The following SARDH variants were observed in gnomAD, a reference collection of about 807,000 sequenced individuals.
SARDH encodes the protein sarcosine dehydrogenase, mitochondrial.
A neutral mutation model predicts 109.1 loss-of-function variants in SARDH; 95 were observed. That is an observed-to-expected ratio of 0.87 (90% CI 0.74 to 1.03). The LOEUF (loss-of-function observed/expected upper bound fraction) is 1.03, where lower values mean the gene tolerates loss of function less well. Ranked by LOEUF, SARDH falls within the 50% of genes least tolerant of loss-of-function variation. The pLI is 0.00. For missense variants in SARDH, 1,267 were observed against 1,287.8 expected (o/e 0.98, Z 0.25); for synonymous variants, 572 against 534.8 (o/e 1.07, Z -0.96).
At chr9:133,737,276 G>A (rs1292585835) in intron 1 of SARDH, among the ~76,000 whole-genome samples, 1 of 152,356 alleles carries the variant, frequency 6.6e-6, no homozygotes, top group East Asian at 1.9e-4. Context: ...CATCCCAAGG[G>A]AGGGAGCAGG....
Position 133,713,069 on chromosome 9 carries a change from C to T in SARDH, c.1206G>A (p.Gly402=). Residue 402 remains glycine (G), a synonymous_variant, in exon 9 of 21, where the codon GGG becomes GGA. Coordinates refer to ENST00000439388, the MANE Select transcript of SARDH (RefSeq NM_001134707.2). ...PLMGEAPELR[G]FFLGCGFNSA... ...TGTTGAAGCCACAGCCCAGGAAGAA[C>T]CCTCGGAGCTCAGGTGCCTCCCCCA... 6.2e-7 allele frequency: 1 copy of T among 1,613,162 alleles called. No homozygotes were observed. The highest frequency in any genetic ancestry group is 1.1e-5 in the South Asian group (1 of 90,872).
At chr9:133,683,930 G>A (rs1158816286) in intron 17 of SARDH, among the ~76,000 whole-genome samples, 2 of 152,208 alleles carry the variant, frequency 1.3e-5, no homozygotes, top group African/African-American at 4.8e-5. Flanking sequence ...CCGTGTCACT[G>A]ACACATATCG....
chr9:133,660,162 C>T (rs892500561), downstream of SARDH, among the ~76,000 whole-genome samples: 5 of 151,822 alleles, frequency 3.3e-5, no homozygotes, highest in African/African-American at 1.2e-4. Flanking sequence ...GCAGTACCCG[C>T]ACCTCCTACA....
chr9:133,664,216 T>G (rs778270904), intron 20 of SARDH, among the ~76,000 whole-genome samples: 6 of 152,198 alleles, frequency 3.9e-5, no homozygotes, highest in Non-Finnish European at 8.8e-5. Context: ...GAGTTGGACA[T>G]GGGCATCTGG....
Position 133,692,216 on chromosome 9 carries a change from C to A in SARDH, c.1922-1689G>T, listed in dbSNP as rs1275391292. Among the ~76,000 whole-genome samples the A allele has an allele frequency of 6.6e-6, 1 of 152,130 alleles. No homozygotes were observed. The highest frequency in any genetic ancestry group is 1.5e-5 in the Non-Finnish European group (1 of 68,004). ...ATTCCACCAATGGGGGAAACTGAGG[C>A]TCGGGGGGGCAGGTCGCTGAGCCAG... is the stretch of plus-strand genomic sequence containing the variant. On this transcript the variant is annotated intron_variant, in intron 15 of 20. Transcript: ENST00000439388. This position sits in a 1 kb window ranked among gnomAD's most constrained non-coding sequence, Gnocchi z 5.0.
intron 6 of SARDH, 42 bp from the exon 7 acceptor site, chr9:133,719,084 G>T (rs1230287762): frequency 6.4e-7 from 1 of 1,563,880 alleles, no homozygotes; most frequent in Non-Finnish European, 8.8e-7. Context: ...TCCAGAACTG[G>T]GTGGGGACTT....
intron 3 of SARDH, among the ~76,000 whole-genome samples, chr9:133,732,000 C>A (rs1832700898): frequency 6.6e-6 from 1 of 152,174 alleles, no homozygotes; most frequent in South Asian, 2.1e-4. Context: ...CAGGCGTGGA[C>A]CACTGGGACA....
intron 16 of SARDH, among the ~76,000 whole-genome samples, chr9:133,688,437 G>C (rs766680113): frequency 6.6e-6 from 1 of 150,920 alleles, no homozygotes; most frequent in South Asian, 2.1e-4. Flanking sequence ...CCCGTGAGCC[G>C]CATGGACTCA....
chr9:133,712,859 G>A lies in SARDH; in HGVS notation c.1238-150C>T. 1.1e-6 allele frequency: 1 copy of A among 925,438 alleles called. No individual in the cohort carries two copies. The highest frequency in any genetic ancestry group is 1.7e-6 in the Non-Finnish European group (1 of 605,542). The allele number at this position is 925,438 out of a possible 1,614,324, so 57.3% of individuals were successfully genotyped here. ...CTGCACGCCTCCTGATTGGACTGCT[G>A]CTGGACTGGACCCTGGCACAGGTGC... On this transcript the variant is annotated intron_variant, in intron 9 of 20. Transcript: ENST00000439388. The surrounding 1 kb of genome is among the most constrained non-coding windows in gnomAD (Gnocchi z 4.1).
intron 19 of SARDH, 100 bp downstream of exon 19, chr9:133,670,484 T>G: frequency 7.8e-7 from 1 of 1,277,070 alleles, no homozygotes; most frequent in Non-Finnish European, 1.1e-6. Context: ...ACATGGGAAG[T>G]GTTGGTACCA....
intron 17 of SARDH, among the ~76,000 whole-genome samples, chr9:133,682,492 C>T (rs1000412574): frequency 2.0e-5 from 3 of 152,194 alleles, no homozygotes; most frequent in African/African-American, 7.2e-5. Flanking sequence ...TCTGAGATGC[C>T]GCTGACCACC....
chr9:133,718,430 T>G lies in SARDH; in HGVS notation c.1020+508A>C. On this transcript the variant is annotated intron_variant, in intron 7 of 20. Coordinates refer to ENST00000439388, the MANE Select transcript of SARDH (RefSeq NM_001134707.2). The surrounding 1 kb of genome is among the most constrained non-coding windows in gnomAD (Gnocchi z 4.2). ...ATATAGGCACCCAGAGTCAGGGACT[T>G]TTATCTTAGTTTCCCTCTTTCTCCA... The G allele has an allele frequency of 4.2e-6, 2 of 474,938 alleles. No individual in the cohort carries two copies. Among genetic ancestry groups the G allele is most frequent in the Non-Finnish European group, 7.5e-6 (2 of 267,638 alleles). 29.4% of individuals were successfully genotyped at this position (474,938 alleles called of 1,614,324 possible). A position where few individuals can be genotyped will look rare whatever the true frequency, so the allele number is the denominator to read the frequency against.
intron 1 of SARDH, among the ~76,000 whole-genome samples, chr9:133,734,414 CAT>C (rs1166729654): frequency 9.3e-5 from 6 of 64,380 alleles, no homozygotes; most frequent in South Asian, 1.0e-3. Context: ...TTCACTCATT[CAT>C]TCATTCATTC....
At chr9:133,730,691 C>T (rs1309017108) in intron 4 of SARDH, among the ~76,000 whole-genome samples, 1 of 152,016 alleles carries the variant, frequency 6.6e-6, no homozygotes, top group Non-Finnish European at 1.5e-5. Flanking sequence ...TAAAATTGTT[C>T]TACAGGCCGG....
chr9:133,731,881 G>A (rs1832695278), intron 3 of SARDH, among the ~76,000 whole-genome samples: 1 of 152,122 alleles, frequency 6.6e-6, no homozygotes, highest in Non-Finnish European at 1.5e-5. Context: ...GGGCCTGAGA[G>A]GTTTCCCAGT....
At chr9:133,716,207 C>G (rs1056137926) in intron 8 of SARDH, among the ~76,000 whole-genome samples, 56 of 152,234 alleles carry the variant, frequency 3.7e-4, no homozygotes, top group South Asian at 4.1e-4. Flanking sequence ...CGTGTCAGAG[C>G]ACCCACCCAC....
At position 133,705,040 on chromosome 9, in the gene SARDH, G is replaced by T; in HGVS notation, c.1471-9C>A. On this transcript the variant is annotated splice_polypyrimidine_tract_variant and intron_variant, in intron 11 of 20. Transcript: ENST00000439388. Reference sequence around the variant, plus strand: ...CCTTGTCCAAGGAGTTCCTGAGCAGGAGTGGGGAACAGGCATCTGTCACGC... The same window carrying T: ...CCTTGTCCAAGGAGTTCCTGAGCAGTAGTGGGGAACAGGCATCTGTCACGC... The T allele has an allele frequency of 6.3e-7, 1 of 1,584,546 alleles. No homozygotes were observed. Among genetic ancestry groups the T allele is most frequent in the South Asian group, 1.2e-5 (1 of 86,376 alleles).
chr9:133,679,354 A>G (rs1246265308), intron 17 of SARDH, among the ~76,000 whole-genome samples: 1 of 152,232 alleles, frequency 6.6e-6, no homozygotes, highest in Non-Finnish European at 1.5e-5. Context: ...TGGGTGCAGG[A>G]CTGCTCCATC....
chr9:133,707,606 T>C (rs992350848), intron 11 of SARDH, among the ~76,000 whole-genome samples: 4 of 152,178 alleles, frequency 2.6e-5, no homozygotes, highest in African/African-American at 9.7e-5. Flanking sequence ...CCCATCCATC[T>C]GTTCAACAAA....
Sources: gnomAD v4.1 joint callset for allele counts (sites outside exome capture counted in the v4.1 genomes callset) on GRCh38, gnomAD v4.1.1 for gene constraint, Gnocchi (gnomAD v3.1) non-coding constraint, MANE v1.5 for transcripts, NCBI Gene and HGNC (gene_info 2026-07-23, HGNC 2026-07-21) for gene names.